Variants in CNNM1 observed in about 807,000 individuals in gnomAD.
CNNM1 encodes cyclin and CBS domain divalent metal cation transport mediator 1, also known as metal transporter CNNM1.
CNNM1 carries 44 observed loss-of-function variants against 78.8 expected under a neutral mutation model. The ratio of observed to expected loss-of-function variants is 0.56; its 90% CI spans 0.44 to 0.72. The LOEUF is 0.72. Among genes scored for constraint, CNNM1 ranks in the 30% least tolerant of loss-of-function variants. The pLI, the probability that CNNM1 is intolerant of heterozygous loss-of-function variation, is 0.00. For synonymous variants in CNNM1, 584 were observed against 581.5 expected, an observed-to-expected ratio of 1.00 and a Z score of -0.06; for missense variants, 1,101 against 1,292.2, an observed-to-expected ratio of 0.85 and a Z score of 2.27.
intron 1 of CNNM1, among the ~76,000 whole-genome samples, chr10:99,339,986 C>T (rs1044636960): frequency 2.6e-5 from 4 of 152,036 alleles, no homozygotes; most frequent in Non-Finnish European, 4.4e-5. Context: ...AGATGTATTA[C>T]GTTTTTAAAA....
At chr10:99,354,302 T>C (rs1447659636) in intron 1 of CNNM1, among the ~76,000 whole-genome samples, 1 of 152,242 alleles carries the variant, frequency 6.6e-6, no homozygotes, top group African/African-American at 2.4e-5. Context: ...AGGATGTAGT[T>C]GTTTCCAAGA....
intron 6 of CNNM1, among the ~76,000 whole-genome samples, chr10:99,370,011 C>CT (rs991658711): frequency 6.6e-6 from 1 of 152,144 alleles, no homozygotes; most frequent in African/African-American, 2.4e-5. Flanking sequence ...ATGTGTTTTC[C>CT]TTTTTAATTA....
chr10:99,380,533 G>A (rs971681996), intron 7 of CNNM1, among the ~76,000 whole-genome samples: 4 of 152,168 alleles, frequency 2.6e-5, no homozygotes, highest in Admixed American at 6.5e-5. Context: ...GCTCACACCT[G>A]TAATCCCAGC....
intron 1 of CNNM1, among the ~76,000 whole-genome samples, chr10:99,354,708 GT>G: frequency 6.6e-6 from 1 of 152,256 alleles, no homozygotes; most frequent in African/African-American, 2.4e-5. Context: ...AAAGTTGGGG[GT>G]AGGGGAGATG....
At chr10:99,352,546 T>C (rs910476715) in intron 1 of CNNM1, among the ~76,000 whole-genome samples, 1 of 152,246 alleles carries the variant, frequency 6.6e-6, no homozygotes, top group Non-Finnish European at 1.5e-5. Context: ...ATCTGTCTTT[T>C]TTATTATTGC....
intron 2 of CNNM1, among the ~76,000 whole-genome samples, chr10:99,358,360 G>A (rs2134044704): frequency 6.6e-6 from 1 of 152,326 alleles, no homozygotes; most frequent in South Asian, 2.1e-4. Context: ...CATTACAAAG[G>A]CATGCTTTGT....
chr10:99,387,899 T>G lies in CNNM1; in HGVS notation c.2420T>G (p.Phe807Cys). ...CCTCAGTCCCCTGACATGGAGGCCT[T>G]CACAGACGGGGACTCCACTAAGGCC... is the stretch of plus-strand genomic sequence containing the variant. ...SSPQSPDMEA[F>C]TDGDSTKAPT... The change falls in exon 8 of 11, where the codon TTC becomes TGC. Residue 807 changes from phenylalanine to cysteine, a missense_variant. Transcript: ENST00000356713. 6.2e-7 allele frequency: 1 copy of G among 1,613,682 alleles called. No individual in the cohort carries two copies. Among genetic ancestry groups the G allele is most frequent in the Non-Finnish European group, 8.5e-7 (1 of 1,179,766 alleles).
rs144944413 is a variant in CNNM1 at position 99,330,489 on chromosome 10, G to A, written c.1102G>A (p.Ala368Thr). ...GTGCCTGACCCGGCTTCTGATGGCAGCCGCCTTCCCCGTGTGCTACCCGCT... is the reference window on the plus strand; with the variant it reads ...GTGCCTGACCCGGCTTCTGATGGCAACCGCCTTCCCCGTGTGCTACCCGCT... ...SVCLTRLLMA[A>T]AFPVCYPLGR... is the part of the protein sequence containing the mutation. The change falls in exon 1 of 11, where the codon GCC (alanine) becomes ACC (threonine). Residue 368 changes from alanine to threonine, a missense_variant. This residue lies in a region of CNNM1 where 277 missense variants were observed against 423.2 expected (regional missense o/e 0.65). Coordinates refer to ENST00000356713, the MANE Select transcript of CNNM1 (RefSeq NM_020348.3). 1.5e-3 allele frequency: 2,303 copies of A among 1,583,986 alleles called. 5 individuals are homozygous for A. The highest frequency in any genetic ancestry group is 2.2e-3 in the Admixed American group (120 of 55,056).
intron 3 of CNNM1, among the ~76,000 whole-genome samples, chr10:99,361,435 G>A (rs766069218): frequency 6.6e-6 from 1 of 152,206 alleles, no homozygotes; most frequent in Non-Finnish European, 1.5e-5. Flanking sequence ...TTCTTGTGAA[G>A]AAGATAAAGT....
At chr10:99,368,803 A>G (rs1457752507) in intron 6 of CNNM1, 1 of 566,090 alleles carries the variant, frequency 1.8e-6, no homozygotes, top group Non-Finnish European at 2.9e-6. Context: ...TGACTAAGGC[A>G]TAGCACTTTG....
At chr10:99,357,484 C>CT (rs774113820) in intron 1 of CNNM1, 28 bp from the exon 2 acceptor site, 55 of 1,602,428 alleles carry the variant, frequency 3.4e-5, no homozygotes, top group Non-Finnish European at 4.6e-5. Context: ...GTCCCCGATA[C>CT]TTAACTGTGA....
intron 1 of CNNM1, among the ~76,000 whole-genome samples, chr10:99,354,648 G>A (rs1211598934): frequency 6.6e-6 from 1 of 151,768 alleles, no homozygotes; most frequent in African/African-American, 2.4e-5. Context: ...TTCAGAGTCG[G>A]GTAGATCTGG....
chr10:99,347,660 C>T (rs1209565660), intron 1 of CNNM1, among the ~76,000 whole-genome samples: 2 of 150,332 alleles, frequency 1.3e-5, no homozygotes, highest in Non-Finnish European at 3.0e-5. Context: ...TTACAAAGGC[C>T]TTCCTGGCTC....
In CNNM1 at chr10:99,362,301, C is replaced by T; in HGVS notation, c.1933C>T (p.Gln645Ter). Residue 645 changes from glutamine (Q) to a stop codon, truncating the protein, a stop_gained, in exon 4 of 11, where the codon CAG becomes TAG. Transcript: ENST00000356713. LOFTEE classifies it high-confidence loss of function. ...LRLLKHPNVI[Q>*]ELKFDEKNKK... ...GCTCCTGAAACATCCCAACGTGATC[C>T]AGGAGCTGAAGTTTGATGAGAAGAA... is the stretch of plus-strand genomic sequence containing the variant. 1 of 1,614,000 alleles carries T rather than the reference C, an allele frequency of 6.2e-7. No individual in the cohort carries two copies. Among genetic ancestry groups the T allele is most frequent in the Non-Finnish European group, 8.5e-7 (1 of 1,179,890 alleles).
chr10:99,365,656 A>AT (rs1308424424), intron 6 of CNNM1, among the ~76,000 whole-genome samples: 4 of 152,114 alleles, frequency 2.6e-5, no homozygotes, highest in Non-Finnish European at 5.9e-5. Flanking sequence ...AGGGCATGGC[A>AT]TTTTTTGTGA....
chr10:99,349,968 C>T (rs576162992), intron 1 of CNNM1, among the ~76,000 whole-genome samples: 21 of 152,268 alleles, frequency 1.4e-4, no homozygotes, highest in South Asian at 4.2e-4. Context: ...CATTGAACTC[C>T]AGCCTGAGCA....
chr10:99,388,431 A>C, intron 9 of CNNM1, 130 bp downstream of exon 9: 1 of 1,010,444 alleles, frequency 9.9e-7, no homozygotes, highest in South Asian at 1.7e-5. Flanking sequence ...CGACCTCCTT[A>C]CACAGCCAGG....
At chr10:99,369,333 C>G (rs1439273710) in intron 6 of CNNM1, among the ~76,000 whole-genome samples, 2 of 152,178 alleles carry the variant, frequency 1.3e-5, no homozygotes, top group Non-Finnish European at 2.9e-5. Flanking sequence ...CTCTTGGGCT[C>G]ATAGAGCAAG....
At chr10:99,361,471 A>G (rs2031432938) in intron 3 of CNNM1, among the ~76,000 whole-genome samples, 1 of 152,250 alleles carries the variant, frequency 6.6e-6, no homozygotes, top group South Asian at 2.1e-4. Context: ...CTGACCATCC[A>G]TGCCTAATTA....
Sources: allele counts gnomAD v4.1 joint callset (sites outside exome capture counted in the v4.1 genomes callset), GRCh38; gene constraint gnomAD v4.1.1; regional missense constraint gnomAD v4.1.1; transcripts MANE v1.5; gene names NCBI Gene and HGNC (gene_info 2026-07-23, HGNC 2026-07-21).